Variants in LDB3 observed in about 807,000 individuals in gnomAD.
LDB3 encodes LIM domain binding 3.
LDB3 carries 49 observed loss-of-function variants against 69.0 expected under a neutral mutation model. That is an observed-to-expected ratio of 0.71 (90% CI 0.56 to 0.90). The LOEUF (loss-of-function observed/expected upper bound fraction) is 0.90. Ranked by LOEUF, LDB3 falls within the 40% of genes least tolerant of loss-of-function variation. LDB3 has a pLI of 0.00. For synonymous variants in LDB3, 387 were observed against 396.2 expected (o/e 0.98, Z 0.28); for missense variants, 928 against 974.1 (o/e 0.95, Z 0.63).
intron 9 of LDB3, among the ~76,000 whole-genome samples, chr10:86,710,457 G>GCA (rs1332268611): frequency 1.3e-5 from 2 of 152,190 alleles, no homozygotes; most frequent in African/African-American, 4.8e-5. Flanking sequence ...GGGCGTGGTG[G>GCA]CACCCACCTG....
intron 2 of LDB3, among the ~76,000 whole-genome samples, chr10:86,675,355 T>C (rs1449207152): frequency 6.6e-6 from 1 of 152,234 alleles, no homozygotes; most frequent in African/African-American, 2.4e-5. Flanking sequence ...AGAGGGCCCC[T>C]CTGATCTGGC....
Position 86,706,651 on chromosome 10 carries a change from T to G in LDB3, c.1017T>G (p.Ala339=), listed in dbSNP as rs727504526. The G allele has an allele frequency of 4.3e-6, 7 of 1,613,054 alleles. No individual in the cohort carries two copies. In the East Asian group the frequency reaches 1.6e-4, roughly 36 times the overall value. The part of the protein sequence containing the change: ...PSAASPPLAT[A]AAHTAIASAS... ...CGGCTTCGCCACCCCTGGCCACAGC[T>G]GCTGCCCACACTGCCATCGCCTCCG... is the stretch of plus-strand genomic sequence containing the variant. Residue 339 remains alanine, a synonymous_variant, in exon 8 of 14, where the codon GCT becomes GCG. Transcript: ENST00000361373.
chr10:86,677,995 G>A (rs1003747939), intron 2 of LDB3, among the ~76,000 whole-genome samples: 6 of 152,042 alleles, frequency 3.9e-5, no homozygotes, highest in African/African-American at 1.5e-4. Flanking sequence ...GGGTGCAGGG[G>A]TTATAAGAGG....
chr10:86,700,898 T>C (rs1255034966), intron 7 of LDB3, among the ~76,000 whole-genome samples: 1 of 152,210 alleles, frequency 6.6e-6, no homozygotes, highest in Non-Finnish European at 1.5e-5. Context: ...GCACTTACAT[T>C]AGAAGCAGAT....
chr10:86,684,624 A>T (rs566982327), intron 5 of LDB3, among the ~76,000 whole-genome samples: 1 of 152,222 alleles, frequency 6.6e-6, no homozygotes, highest in Non-Finnish European at 1.5e-5. Context: ...GAGCAGGGCC[A>T]CTGTGCTGCT....
At chr10:86,670,797 A>C (rs968685522) in intron 2 of LDB3, among the ~76,000 whole-genome samples, 6 of 152,180 alleles carry the variant, frequency 3.9e-5, no homozygotes, top group African/African-American at 1.4e-4. Context: ...ACCCCAAATC[A>C]CCTAAGCCGC....
In LDB3 at chr10:86,733,480, G is replaced by C. The variant is rs578225295; in HGVS notation, c.*504G>C. On this transcript the variant is annotated 3_prime_UTR_variant, in exon 14 of 14. Transcript: ENST00000361373. ...CCATTGGGCTTTCCTCACCAAAAAA[G>C]GAAGTGTTATTCCATTACTAGCGTC... is the stretch of plus-strand genomic sequence containing the variant. 5.9e-6 allele frequency: 1 copy of C among 169,752 alleles called. No individual in the cohort carries two copies. The highest frequency in any genetic ancestry group is 1.3e-5 in the Non-Finnish European group (1 of 78,530). 10.5% of individuals were successfully genotyped at this position (169,752 alleles called of 1,614,324 possible). A position where few individuals can be genotyped will look rare whatever the true frequency, so the allele number is the denominator to read the frequency against.
intron 2 of LDB3, among the ~76,000 whole-genome samples, chr10:86,672,216 T>A (rs1844522868): frequency 6.6e-6 from 1 of 152,238 alleles, no homozygotes; most frequent in Admixed American, 6.5e-5. Flanking sequence ...CTACTGGGAC[T>A]GGTTGTGAGA....
intron 7 of LDB3, among the ~76,000 whole-genome samples, chr10:86,703,539 C>T (rs73344195): frequency 0.03 from 4,507 of 152,322 alleles, 193 homozygotes; most frequent in African/African-American, 0.096. Context: ...AAGCTTCCCA[C>T]GCAGTTATGG....
intron 4 of LDB3, 25 bp downstream of exon 4, chr10:86,680,182 G>T (rs200432385): frequency 2.4e-5 from 39 of 1,605,886 alleles, no homozygotes; most frequent in Non-Finnish European, 1.4e-5. Flanking sequence ...TGGCGGCGGG[G>T]TCCACTCAGC....
chr10:86,732,438 A>G, intron 13 of LDB3: 1 of 451,402 alleles, frequency 2.2e-6, no homozygotes, highest in Non-Finnish European at 4.4e-6. Flanking sequence ...TCCGTCATTA[A>G]GAATTCATAG....
rs1454571924 is a variant in LDB3 at position 86,699,600 on chromosome 10, C to A, written c.897-6931C>A. On this transcript the variant is annotated intron_variant, in intron 7 of 13. Transcript: ENST00000361373. This position sits in a 1 kb window ranked among gnomAD's most constrained non-coding sequence, Gnocchi z 4.9. ...CCCACCAAACCTCCCCAGGGCAACC[C>A]TCGCCACCCCCCAAATAGCCCGTAG... 7.1e-7 allele frequency: 1 copy of A among 1,403,060 alleles called. No individual in the cohort carries two copies. Among genetic ancestry groups the A allele is most frequent in the Non-Finnish European group, 9.3e-7 (1 of 1,077,670 alleles). The allele number at this position is 1,403,060 out of a possible 1,614,324, so 86.9% of individuals were successfully genotyped here.
At chr10:86,716,814 G>A (rs979379106) in intron 10 of LDB3, 43 bp downstream of exon 10, 22 of 1,555,516 alleles carry the variant, frequency 1.4e-5, no homozygotes, top group South Asian at 4.7e-5. Context: ...CTGGAAGGGC[G>A]TGTGTGTGGG....
chr10:86,679,622 G>A (rs1417695854), intron 3 of LDB3, 104 bp downstream of exon 3: 3 of 1,320,994 alleles, frequency 2.3e-6, no homozygotes, highest in Non-Finnish European at 3.2e-6. Flanking sequence ...GCCCCGCCCT[G>A]GGCTACAAAA....
intron 8 of LDB3, among the ~76,000 whole-genome samples, chr10:86,707,403 T>C (rs769701282): frequency 1.8e-4 from 28 of 152,004 alleles, no homozygotes; most frequent in Non-Finnish European, 3.4e-4. Flanking sequence ...AAACACCTAA[T>C]ACATATGAAG....
chr10:86,711,661 C>G (rs1361869311), intron 9 of LDB3, among the ~76,000 whole-genome samples: 3 of 151,760 alleles, frequency 2.0e-5, no homozygotes, highest in Admixed American at 6.6e-5. Flanking sequence ...GCAGCTCCCC[C>G]CGGGGCCTCC....
intron 7 of LDB3, among the ~76,000 whole-genome samples, chr10:86,698,050 GC>G (rs1435544147): frequency 6.6e-6 from 1 of 152,062 alleles, no homozygotes; most frequent in Non-Finnish European, 1.5e-5. Flanking sequence ...GATGCCCCAT[GC>G]CGCCTTTTTA....
At chr10:86,686,067 G>A (rs1008667125) in intron 5 of LDB3, among the ~76,000 whole-genome samples, 3 of 152,176 alleles carry the variant, frequency 2.0e-5, no homozygotes, top group Non-Finnish European at 2.9e-5. Context: ...CCCCTCAGAA[G>A]GGCTGCACTG....
chr10:86,681,397 C>G, intron 4 of LDB3, 39 bp from the exon 5 acceptor site: 1 of 1,598,166 alleles, frequency 6.3e-7, no homozygotes. Flanking sequence ...CCTCTAACCG[C>G]TCTCTTCTCT....
Sources: gnomAD v4.1 joint callset for allele counts (sites outside exome capture counted in the v4.1 genomes callset) on GRCh38, gnomAD v4.1.1 for gene constraint, Gnocchi (gnomAD v3.1) non-coding constraint, MANE v1.5 for transcripts, NCBI Gene and HGNC (gene_info 2026-07-23, HGNC 2026-07-21) for gene names.